REDIC1: variants seen among roughly 807,000 people sequenced by gnomAD.
REDIC1 encodes the protein HEI10 Interacting Protein 1.
the REDIC1 span, among the ~76,000 whole-genome samples, chr12:39,796,693 A>G: frequency 6.6e-6 from 1 of 152,158 alleles, no homozygotes; most frequent in Non-Finnish European, 1.5e-5. Flanking sequence ...CCTAGAATAT[A>G]ATATGATTGA....
At chr12:39,798,068 T>G in the REDIC1 span, among the ~76,000 whole-genome samples, 1 of 152,208 alleles carries the variant, frequency 6.6e-6, no homozygotes, top group Non-Finnish European at 1.5e-5. Context: ...GTCTCTTTCT[T>G]GGATCATTCA....
chr12:39,853,535 C>CTTCCT, the REDIC1 span, among the ~76,000 whole-genome samples: 2 of 151,584 alleles, frequency 1.3e-5, no homozygotes, highest in African/African-American at 2.4e-5. Flanking sequence ...TTTTTTTCTC[C>CTTCCT]TTTCTTTTCT....
At chr12:39,665,272 G>A in the REDIC1 span, among the ~76,000 whole-genome samples, 2 of 152,154 alleles carry the variant, frequency 1.3e-5, no homozygotes, top group Non-Finnish European at 2.9e-5. Context: ...AAGGGATCCA[G>A]TTTCAGCTTT....
the REDIC1 span, among the ~76,000 whole-genome samples, chr12:39,765,684 C>G: frequency 6.6e-6 from 1 of 152,058 alleles, no homozygotes. Flanking sequence ...CTCTCATCCC[C>G]TGCCACATTC....
the REDIC1 span, among the ~76,000 whole-genome samples, chr12:39,780,709 T>C: frequency 1.3e-5 from 2 of 152,286 alleles, no homozygotes; most frequent in East Asian, 3.9e-4. Flanking sequence ...TACAAATGTA[T>C]TACAAGGAGA....
chr12:39,761,850 T>A, the REDIC1 span, among the ~76,000 whole-genome samples: 3 of 152,094 alleles, frequency 2.0e-5, no homozygotes, highest in African/African-American at 7.2e-5. Flanking sequence ...GTTTGACTTT[T>A]AAATATAATA....
the REDIC1 span, among the ~76,000 whole-genome samples, chr12:39,632,591 T>C: frequency 6.6e-6 from 1 of 152,182 alleles, no homozygotes; most frequent in Non-Finnish European, 1.5e-5. Context: ...CAGTCACATG[T>C]TGCTTAGTGG....
the REDIC1 span, among the ~76,000 whole-genome samples, chr12:39,855,805 C>G: frequency 6.6e-6 from 1 of 152,142 alleles, no homozygotes; most frequent in Non-Finnish European, 1.5e-5. Flanking sequence ...CTAATTTAAT[C>G]AATATACAAT....
the REDIC1 span, among the ~76,000 whole-genome samples, chr12:39,696,809 C>T: frequency 6.6e-6 from 1 of 151,996 alleles, no homozygotes. Flanking sequence ...AGAATCTTAA[C>T]AGCAGAACTG....
the REDIC1 span, among the ~76,000 whole-genome samples, chr12:39,713,521 T>A: frequency 6.7e-6 from 1 of 149,676 alleles, no homozygotes. Flanking sequence ...CATGCGTGCA[T>A]ACATGTGTAC....
At chr12:39,683,217 TAC>T in the REDIC1 span, 2 of 1,374,888 alleles carry the variant, frequency 1.5e-6, no homozygotes, top group African/African-American at 3.0e-5. Flanking sequence ...TGTATATTCA[TAC>T]ACACACATCT....
At chr12:39,847,132 A>G in the REDIC1 span, among the ~76,000 whole-genome samples, 1 of 152,202 alleles carries the variant, frequency 6.6e-6, no homozygotes. Flanking sequence ...TAATGAGCAC[A>G]GAGAGAACTA....
the REDIC1 span, among the ~76,000 whole-genome samples, chr12:39,809,088 G>T: frequency 6.6e-6 from 1 of 151,926 alleles, no homozygotes; most frequent in Non-Finnish European, 1.5e-5. Flanking sequence ...TTGTGTTTAG[G>T]GTGTAAGAGT....
the REDIC1 span, chr12:39,764,581 A>C: frequency 1.9e-6 from 3 of 1,608,546 alleles, no homozygotes; most frequent in Non-Finnish European, 2.5e-6. Flanking sequence ...GATATATTTC[A>C]GAATTCACAG....
the REDIC1 span, among the ~76,000 whole-genome samples, chr12:39,733,826 T>G: frequency 6.6e-6 from 1 of 152,228 alleles, no homozygotes; most frequent in African/African-American, 2.4e-5. Flanking sequence ...CAGCGGATCT[T>G]ATCTTGAAGG....
At chr12:39,675,853 T>C in the REDIC1 span, among the ~76,000 whole-genome samples, 1 of 152,078 alleles carries the variant, frequency 6.6e-6, no homozygotes, top group Non-Finnish European at 1.5e-5. Flanking sequence ...CTAGACCCAA[T>C]CACTGCAGTC....
chr12:39,712,858 T>C, the REDIC1 span, among the ~76,000 whole-genome samples: 9 of 13,984 alleles, frequency 6.4e-4, no homozygotes, highest in Non-Finnish European at 1.7e-3. Context: ...TACACATATG[T>C]ATATACACGT....
At chr12:39,881,338 A>C in the REDIC1 span, among the ~76,000 whole-genome samples, 4 of 152,092 alleles carry the variant, frequency 2.6e-5, no homozygotes, top group Non-Finnish European at 5.9e-5. Context: ...TAAAAAAAAA[A>C]CAATCTGGAA....
At chr12:39,901,243 A>G in the REDIC1 span, among the ~76,000 whole-genome samples, 1 of 152,242 alleles carries the variant, frequency 6.6e-6, no homozygotes, top group South Asian at 2.1e-4. Context: ...AAACCCTAGA[A>G]GAAAACCTAG....
Sources: allele counts gnomAD v4.1 joint callset (sites outside exome capture counted in the v4.1 genomes callset), GRCh38; gene constraint gnomAD v4.1.1; transcripts MANE v1.5; gene names NCBI Gene and HGNC (gene_info 2026-07-23, HGNC 2026-07-21).